The following MORN1 variants were observed in gnomAD, a reference collection of about 807,000 sequenced individuals.
The protein encoded by MORN1 is MORN repeat containing 1, also known as MORN repeat-containing protein 1.
A neutral mutation model predicts 61.9 loss-of-function variants in MORN1; 67 were observed. The ratio of observed to expected loss-of-function variants is 1.08; its 90% confidence interval spans 0.89 to 1.33. The LOEUF is 1.33. Among genes scored for constraint, MORN1 ranks in the 40% most tolerant of loss-of-function variants. MORN1 has a pLI of 0.00. For synonymous variants in MORN1, 301 were observed against 292.0 expected (o/e 1.03, Z -0.31); for missense variants, 752 against 691.2 (o/e 1.09, Z -0.99).
intron 10 of MORN1, among the ~76,000 whole-genome samples, chr1:2,338,511 T>C (rs1276660650): frequency 6.6e-6 from 1 of 152,172 alleles, no homozygotes; most frequent in Non-Finnish European, 1.5e-5. Context: ...CTCTGTATCC[T>C]AATCATGCGG....
intron 6 of MORN1, chr1:2,376,889 C>T (rs1354230324): frequency 6.6e-6 from 1 of 152,032 alleles, no homozygotes; most frequent in Non-Finnish European, 1.5e-5. Context: ...TCATGTACCC[C>T]AAGCAGGAAC....
rs145844325 is a variant in MORN1 at position 2,354,728 on chromosome 1, G to A, written c.1036+2704C>T. Among the ~76,000 whole-genome samples the A allele has an allele frequency of 2.6e-4, 39 of 152,272 alleles. No homozygotes were observed. In the East Asian group the frequency reaches 5.4e-3, roughly 21 times the overall value. Reference sequence around the variant, plus strand: ...TCAGTCATCCGTCCTTGGGGTGGACGCTGCTGTTGCCCTCCCTTTATGGAT... The same window carrying A: ...TCAGTCATCCGTCCTTGGGGTGGACACTGCTGTTGCCCTCCCTTTATGGAT... On this transcript the variant is annotated intron_variant, in intron 10 of 13. Transcript: ENST00000378531.
intron 10 of MORN1, among the ~76,000 whole-genome samples, chr1:2,344,674 C>T (rs138409178): frequency 3.3e-5 from 5 of 152,304 alleles, no homozygotes; most frequent in East Asian, 3.9e-4. Context: ...CTCGTCCCTG[C>T]GCTGCACAGA....
intron 8 of MORN1, chr1:2,371,291 C>T (rs896421416): frequency 4.6e-5 from 7 of 152,158 alleles, no homozygotes; most frequent in African/African-American, 1.4e-4. Flanking sequence ...CCTCAGCCTC[C>T]CGAAGTGCTG....
chr1:2,382,270 G>A (rs1642389393), intron 6 of MORN1, among the ~76,000 whole-genome samples: 1 of 152,200 alleles, frequency 6.6e-6, no homozygotes, highest in African/African-American at 2.4e-5. Flanking sequence ...CTGAATCTCA[G>A]GGAACATGAG....
intron 12 of MORN1, among the ~76,000 whole-genome samples, chr1:2,328,010 G>A (rs1245408170): frequency 1.3e-5 from 2 of 152,266 alleles, no homozygotes; most frequent in Non-Finnish European, 2.9e-5. Flanking sequence ...GCGAGCCACC[G>A]AGCAGAGCTC....
In MORN1 at chr1:2,357,742, T is replaced by C. The variant is rs1641806756; in HGVS notation, c.870-144A>G. The C allele has an allele frequency of 2.1e-6, 2 of 960,208 alleles. No homozygotes were observed. The highest frequency in any genetic ancestry group is 2.6e-5 in the South Asian group (1 of 38,734). The allele number at this position is 960,208 out of a possible 1,614,324, so 59.5% of individuals were successfully genotyped here. A position where few individuals can be genotyped will look rare whatever the true frequency, so the allele number is the denominator to read the frequency against. ...TACTCAGCCTCTCTGGGAGGTCTCC[T>C]GCTGGGATGGGGCCAGTTGAGGCCC... On this transcript the variant is annotated intron_variant, in intron 9 of 13. Coordinates refer to ENST00000378531, the MANE Select transcript of MORN1 (RefSeq NM_024848.3). This position sits in a 1 kb window ranked among gnomAD's most constrained non-coding sequence, Gnocchi z 6.3.
chr1:2,336,331 G>T, intron 12 of MORN1, 138 bp downstream of exon 12: 1 of 798,372 alleles, frequency 1.3e-6, no homozygotes, highest in Non-Finnish European at 1.9e-6. Context: ...GCTCTCTGGA[G>T]CGAGGCCCGT....
intron 11 of MORN1, 50 bp downstream of exon 11, chr1:2,336,667 G>A (rs1641286400): frequency 2.6e-6 from 4 of 1,562,222 alleles, no homozygotes; most frequent in Non-Finnish European, 3.5e-6. Flanking sequence ...GGTGGGCAGG[G>A]ATAGTCTGAG....
rs146144306 is a variant in MORN1, at chr1:2,337,863, G to A, written c.1037-1013C>T. 2.0e-3 allele frequency among the ~76,000 whole-genome samples: 312 copies of A among 152,294 alleles called. 1 individual carries two copies. Among genetic ancestry groups the A allele is most frequent in the East Asian group, 0.015 (78 of 5,176 alleles). On this transcript the variant is annotated intron_variant, in intron 10 of 13. Transcript: ENST00000378531. This position sits in a 1 kb window ranked among gnomAD's most constrained non-coding sequence, Gnocchi z 5.7. Reference sequence around the variant, plus strand: ...GCGGTGGCTTTAGGGCCACAGATGAGTGTCCCCACCAGGCAGTGACACCAT... The same window carrying A: ...GCGGTGGCTTTAGGGCCACAGATGAATGTCCCCACCAGGCAGTGACACCAT...
At chr1:2,361,857 T>C (rs1218162312) in intron 8 of MORN1, among the ~76,000 whole-genome samples, 1 of 152,218 alleles carries the variant, frequency 6.6e-6, no homozygotes, top group African/African-American at 2.4e-5. Context: ...TAACACATAT[T>C]GTGTATGTTA....
At chr1:2,349,124 AC>A (rs1641594496) in intron 10 of MORN1, among the ~76,000 whole-genome samples, 1 of 151,866 alleles carries the variant, frequency 6.6e-6, no homozygotes, top group Non-Finnish European at 1.5e-5. Flanking sequence ...GGGCTCGGAG[AC>A]CCCGCTGGCC....
At chr1:2,332,618 G>A (rs183801912) in intron 12 of MORN1, 114 of 456,526 alleles carry the variant, frequency 2.5e-4, no homozygotes, top group African/African-American at 1.3e-3. Flanking sequence ...CCAGGAGGGC[G>A]CGACGTGGCG....
chr1:2,323,406 G>A, intron 13 of MORN1: 1 of 985,418 alleles, frequency 1.0e-6, no homozygotes, highest in Non-Finnish European at 1.2e-6. Flanking sequence ...CAGACGAAGG[G>A]TCATTCATGT....
chr1:2,362,319 TGAG>T (rs916198724), intron 8 of MORN1, among the ~76,000 whole-genome samples: 1 of 152,142 alleles, frequency 6.6e-6, no homozygotes, highest in Non-Finnish European at 1.5e-5. Context: ...TTGAATACAC[TGAG>T]GAGGAGGAGG....
In MORN1 at chr1:2,363,811, A is replaced by AAAAT. The variant is rs1199100386; in HGVS notation, c.746-5097_746-5096insATTT. ...AAACAAACAAACAAACAAACAAAAA[A>AAAAT]ATATATATATATATAAAAAAAATCA... On this transcript the variant is annotated intron_variant, in intron 8 of 13. Transcript: ENST00000378531. 8.0e-3 allele frequency among the ~76,000 whole-genome samples: 1,080 copies of AAAAT among 135,070 alleles called. 22 individuals carry two copies. Among genetic ancestry groups the AAAAT allele is most frequent in the African/African-American group, 0.031 (1,022 of 32,900 alleles). 88.6% of individuals were successfully genotyped at this position (135,070 alleles called of 152,430 possible). A position where few individuals can be genotyped will look rare whatever the true frequency, so the allele number is the denominator to read the frequency against.
chr1:2,323,332 C>G (rs1640925646), intron 13 of MORN1: 1 of 985,450 alleles, frequency 1.0e-6, no homozygotes, highest in East Asian at 1.1e-4. Flanking sequence ...GGCATCCAGA[C>G]CCCAGTGAGC....
intron 8 of MORN1, among the ~76,000 whole-genome samples, chr1:2,367,255 T>G (rs1327784207): frequency 6.8e-6 from 1 of 146,222 alleles, no homozygotes; most frequent in Non-Finnish European, 1.5e-5. Context: ...GATGCAGAAA[T>G]TCCCAAAAAA....
intron 6 of MORN1, chr1:2,374,879 A>C (rs1642200656): frequency 3.4e-6 from 1 of 290,774 alleles, no homozygotes; most frequent in Admixed American, 4.7e-5. Flanking sequence ...AAATCCTTTT[A>C]ATACAAAGAT....
Sources: gnomAD v4.1 joint callset for allele counts (sites outside exome capture counted in the v4.1 genomes callset) on GRCh38, gnomAD v4.1.1 for gene constraint, Gnocchi (gnomAD v3.1) non-coding constraint, MANE v1.5 for transcripts, NCBI Gene and HGNC (gene_info 2026-07-23, HGNC 2026-07-21) for gene names.